MYRIP: variants seen among roughly 807,000 people sequenced by gnomAD.
The protein encoded by MYRIP is rab effector MyRIP.
In MYRIP, 49 loss-of-function variants were observed where a neutral mutation model predicts 98.0. The observed-to-expected ratio is 0.50, with a 90% CI of 0.40 to 0.63. The LOEUF (loss-of-function observed/expected upper bound fraction) is 0.63. Ranked by LOEUF, MYRIP falls within the 30% of genes least tolerant of loss-of-function variation. The pLI, the probability that MYRIP is intolerant of heterozygous loss-of-function variation, is 0.00. For synonymous variants in MYRIP, 404 were observed against 409.5 expected (o/e 0.99, Z 0.16); for missense variants, 1,004 against 1,058.2 (o/e 0.95, Z 0.71).
intron 2 of MYRIP, among the ~76,000 whole-genome samples, chr3:40,008,337 G>A (rs1158409086): frequency 6.6e-6 from 1 of 152,174 alleles, no homozygotes; most frequent in Non-Finnish European, 1.5e-5. Context: ...TGAATTTAAA[G>A]CAATGGATAA....
intron 2 of MYRIP, among the ~76,000 whole-genome samples, chr3:39,952,363 T>C (rs558215670): frequency 6.6e-6 from 1 of 152,234 alleles, no homozygotes; most frequent in South Asian, 2.1e-4. Context: ...TTCCATCCCA[T>C]TTGTTGAGAG....
Position 40,044,053 on chromosome 3 carries a change from G to C in MYRIP, c.114G>C (p.Glu38Asp). ...LRKKEEERLS[E>D]LKQKLDEEGS... ...TTCCCCTACCTTGGTTTCCCAGTGAGCTGAAGCAGAAGCTGGATGAGGAAG... is the reference window on the plus strand; with the variant it reads ...TTCCCCTACCTTGGTTTCCCAGTGACCTGAAGCAGAAGCTGGATGAGGAAG... The change falls in exon 3 of 17, where the codon GAG becomes GAC. Residue 38 changes from glutamate to aspartate, a missense_variant. Glu to Asp is a conservative substitution (Grantham distance 45). This residue lies in a region of MYRIP where 880 missense variants were observed against 907.7 expected (regional missense o/e 0.97). Coordinates refer to ENST00000302541, the MANE Select transcript of MYRIP (RefSeq NM_015460.4). 1.9e-6 allele frequency: 3 copies of C among 1,613,646 alleles called. No individual in the cohort carries two copies. Among genetic ancestry groups the C allele is most frequent in the Non-Finnish European group, 2.5e-6 (3 of 1,179,776 alleles).
intron 2 of MYRIP, among the ~76,000 whole-genome samples, chr3:39,907,226 A>G (rs1460115680): frequency 6.6e-6 from 1 of 152,174 alleles, no homozygotes; most frequent in East Asian, 1.9e-4. Context: ...CTTCACATCT[A>G]CAGTGTAGCA....
At chr3:40,057,634 A>G (rs1947911369) in intron 3 of MYRIP, among the ~76,000 whole-genome samples, 1 of 152,192 alleles carries the variant, frequency 6.6e-6, no homozygotes, top group East Asian at 1.9e-4. Flanking sequence ...AGTGGTGCAC[A>G]CATGGAATGA....
At chr3:39,864,633 G>A (rs1206326853) in intron 1 of MYRIP, among the ~76,000 whole-genome samples, 2 of 152,074 alleles carry the variant, frequency 1.3e-5, no homozygotes, top group Non-Finnish European at 1.5e-5. Flanking sequence ...TAAAAACACT[G>A]CTAAAAGAAA....
At chr3:39,975,248 C>A (rs2125750889) in intron 2 of MYRIP, among the ~76,000 whole-genome samples, 1 of 152,128 alleles carries the variant, frequency 6.6e-6, no homozygotes, top group African/African-American at 2.4e-5. Flanking sequence ...TCTTATACAC[C>A]AATAACAGAC....
intron 3 of MYRIP, among the ~76,000 whole-genome samples, chr3:40,055,234 T>C (rs1947861604): frequency 6.6e-6 from 1 of 152,196 alleles, no homozygotes; most frequent in Admixed American, 6.5e-5. Context: ...TGATATATCT[T>C]AGTGGCATTA....
At chr3:40,055,030 A>G (rs1334717840) in intron 3 of MYRIP, among the ~76,000 whole-genome samples, 1 of 152,154 alleles carries the variant, frequency 6.6e-6, no homozygotes, top group Admixed American at 6.5e-5. Flanking sequence ...TTTTCTTTTA[A>G]CAGTCACCAG....
At chr3:40,066,126 G>A (rs972801427) in intron 3 of MYRIP, among the ~76,000 whole-genome samples, 17 of 152,154 alleles carry the variant, frequency 1.1e-4, no homozygotes, top group African/African-American at 3.1e-4. Flanking sequence ...AGTGTTGCTC[G>A]TCATTTCAGA....
At chr3:40,186,151 A>G (rs1399731398) in intron 9 of MYRIP, among the ~76,000 whole-genome samples, 2 of 152,302 alleles carry the variant, frequency 1.3e-5, no homozygotes, top group South Asian at 2.1e-4. Flanking sequence ...AGCATATGCA[A>G]TTGAGGAGTG....
At chr3:40,170,868 C>T (rs1950597094) in intron 8 of MYRIP, among the ~76,000 whole-genome samples, 1 of 152,120 alleles carries the variant, frequency 6.6e-6, no homozygotes, top group African/African-American at 2.4e-5. Flanking sequence ...GGGGCTTACC[C>T]CATCCCCACT....
At chr3:40,166,999 GC>G in intron 6 of MYRIP, 56 bp downstream of exon 6, 1 of 1,465,432 alleles carries the variant, frequency 6.8e-7, no homozygotes, top group Non-Finnish European at 9.6e-7. Flanking sequence ...GGTCCTTGCT[GC>G]CAGGAGAAAG....
At chr3:39,987,920 A>G (rs751428788) in intron 2 of MYRIP, among the ~76,000 whole-genome samples, 1 of 152,228 alleles carries the variant, frequency 6.6e-6, no homozygotes, top group Admixed American at 6.5e-5. Flanking sequence ...CAAATGTCCA[A>G]CAATGATAGA....
chr3:40,134,932 A>G (rs1949730536), intron 3 of MYRIP, among the ~76,000 whole-genome samples: 1 of 152,184 alleles, frequency 6.6e-6, no homozygotes, highest in African/African-American at 2.4e-5. Flanking sequence ...AAAGATGGGG[A>G]AAAAACAGAG....
At position 40,142,621 on chromosome 3, in the gene MYRIP, C is replaced by A. The variant is rs886629219; in HGVS notation, c.333-8427C>A. Among the ~76,000 whole-genome samples, 3 of 151,850 alleles carry A rather than the reference C, an allele frequency of 2.0e-5. No homozygotes were observed. The South Asian group carries it at 6.2e-4, about 32-fold the overall frequency. On this transcript the variant is annotated intron_variant, in intron 3 of 16. Transcript: ENST00000302541. The stretch of plus-strand genomic sequence containing the variant: ...GGGACTACAGGCATGTGCCACTGTG[C>A]CTGATTTTTGTATTTTTTGTAGAGA...
At chr3:40,178,586 A>G (rs565878883) in intron 8 of MYRIP, among the ~76,000 whole-genome samples, 28 of 152,340 alleles carry the variant, frequency 1.8e-4, no homozygotes, top group African/African-American at 6.7e-4. Flanking sequence ...TGTGCACTCA[A>G]TCAAGTTGAG....
chr3:40,257,818 A>G (rs116408303), intron 16 of MYRIP, among the ~76,000 whole-genome samples: 533 of 152,370 alleles, frequency 3.5e-3, no homozygotes, highest in African/African-American at 0.012. Context: ...TTATCTTTAT[A>G]AAAGATTTAG....
At chr3:40,040,730 CA>C in intron 2 of MYRIP, among the ~76,000 whole-genome samples, 1 of 57,920 alleles carries the variant, frequency 1.7e-5, no homozygotes, top group Non-Finnish European at 3.5e-5. Context: ...ATCGCAAGAA[CA>C]AAAAACCAAA....
intron 1 of MYRIP, among the ~76,000 whole-genome samples, chr3:39,886,727 C>A (rs1943313396): frequency 6.6e-6 from 1 of 150,890 alleles, no homozygotes; most frequent in South Asian, 2.1e-4. Context: ...TAGACTCCCA[C>A]ACATTAATAA....
Sources: allele counts gnomAD v4.1 joint callset (sites outside exome capture counted in the v4.1 genomes callset), GRCh38; gene constraint gnomAD v4.1.1; regional missense constraint gnomAD v4.1.1; transcripts MANE v1.5; gene names NCBI Gene and HGNC (gene_info 2026-07-23, HGNC 2026-07-21).